ASTN1: variants seen among roughly 807,000 people sequenced by gnomAD.
ASTN1 encodes astrotactin 1, also known as astrotactin-1.
Under a neutral mutation model 140.7 loss-of-function variants are expected in ASTN1, and 41 were observed. The ratio of observed to expected loss-of-function variants is 0.29; its 90% CI spans 0.23 to 0.38. The LOEUF is 0.38. ASTN1 is among the 10% of genes least tolerant of loss of function. The probability of loss-of-function intolerance (pLI) is 1.00; values close to 1 mark genes in which losing one functional copy is unlikely to be tolerated. For synonymous variants in ASTN1, 640 were observed against 652.2 expected, an observed-to-expected ratio of 0.98 and a Z score of 0.29; for missense variants, 1,479 against 1,678.8, an observed-to-expected ratio of 0.88 and a Z score of 2.08.
Position 176,943,948 on chromosome 1 carries a change from C to T in ASTN1, c.2320G>A (p.Glu774Lys), listed in dbSNP as rs199599422. The T allele has an allele frequency of 6.2e-7, 1 of 1,614,062 alleles. No homozygotes were observed. The highest frequency in any genetic ancestry group is 8.5e-7 in the Non-Finnish European group (1 of 1,179,982). The change falls in exon 14 of 23, where the codon GAG becomes AAG. Residue 774 changes from glutamate (E) to lysine (K), a missense_variant. Coordinates refer to ENST00000361833, the MANE Select transcript of ASTN1 (RefSeq NM_004319.3). ...DGLVVATVPL[E>K]NQCLEEISEP... ...GAGATCTCCTCTAGGCATTGATTCT[C>T]CAGGGGCACAGTGGCCACCACAAGA...
intron 16 of ASTN1, among the ~76,000 whole-genome samples, chr1:176,914,947 C>A (rs1482406663): frequency 6.6e-6 from 1 of 152,162 alleles, no homozygotes; most frequent in Non-Finnish European, 1.5e-5. Context: ...GTTTGTAGAA[C>A]TTTTGTCTTT....
At chr1:177,087,206 A>G (rs184469537) in intron 1 of ASTN1, among the ~76,000 whole-genome samples, 5 of 152,332 alleles carry the variant, frequency 3.3e-5, no homozygotes, top group Admixed American at 6.5e-5. Flanking sequence ...CTGATCTGGT[A>G]CAATACCTCC....
chr1:177,070,584 T>C (rs199899996), intron 1 of ASTN1, among the ~76,000 whole-genome samples: 1 of 1,624 alleles, frequency 6.2e-4, no homozygotes, highest in Admixed American at 7.9e-3. Context: ...CAAGTAATAA[T>C]GTATGCACTG....
chr1:176,918,092 AC>A (rs2103069456), intron 16 of ASTN1, among the ~76,000 whole-genome samples: 1 of 150,884 alleles, frequency 6.6e-6, no homozygotes, highest in South Asian at 2.1e-4. Flanking sequence ...ACAGCTACTC[AC>A]TCCTTTTGTC....
intron 16 of ASTN1, among the ~76,000 whole-genome samples, chr1:176,932,889 T>C (rs989228812): frequency 1.2e-4 from 18 of 152,226 alleles, no homozygotes; most frequent in African/African-American, 3.4e-4. Context: ...GATTCAGCCC[T>C]CTGGTTCAGT....
intron 7 of ASTN1, 103 bp from the exon 8 acceptor site, chr1:177,014,978 T>C: frequency 9.8e-6 from 10 of 1,020,276 alleles, no homozygotes; most frequent in Non-Finnish European, 1.3e-5. Context: ...AAACTCTTAC[T>C]CTGATATTAG....
chr1:176,906,207 T>G (rs1669992304), intron 16 of ASTN1, among the ~76,000 whole-genome samples: 1 of 152,316 alleles, frequency 6.6e-6, no homozygotes, highest in Middle Eastern at 3.4e-3. Flanking sequence ...GAGTTTAGAA[T>G]GGATACAAGG....
chr1:177,010,971 C>T (rs753397781), intron 8 of ASTN1, among the ~76,000 whole-genome samples: 3 of 152,254 alleles, frequency 2.0e-5, no homozygotes, highest in Middle Eastern at 3.4e-3. Flanking sequence ...ACACCTGGAA[C>T]GTCTCCCTCC....
chr1:177,156,197 G>A (rs376085215), intron 1 of ASTN1, among the ~76,000 whole-genome samples: 45 of 151,718 alleles, frequency 3.0e-4, no homozygotes, highest in African/African-American at 9.5e-4. Context: ...TTAAACCCAG[G>A]AGGCAGAGGT....
chr1:176,993,335 T>C (rs1016528679), intron 8 of ASTN1, among the ~76,000 whole-genome samples: 1 of 152,178 alleles, frequency 6.6e-6, no homozygotes, highest in Non-Finnish European at 1.5e-5. Context: ...AGTTATACTG[T>C]CTTGAATTTT....
chr1:176,884,406 CT>C lies in ASTN1; in HGVS notation c.3158del (p.Gln1053ArgfsTer3). The C allele has an allele frequency of 6.2e-7, 1 of 1,614,226 alleles. No homozygotes were observed. Among genetic ancestry groups the C allele is most frequent in the Non-Finnish European group, 8.5e-7 (1 of 1,180,038 alleles). The part of the protein sequence containing the change: ...WEHSEPPIGV[Q>X]IVDYLLRQEK... ...CTTGACGGAGGAGGTAATCTACAATCTGCACCCCGATTGGTGGCTCTGAGTG... is the reference window on the plus strand; with the variant it reads ...CTTGACGGAGGAGGTAATCTACAATCGCACCCCGATTGGTGGCTCTGAGTG... On this transcript the variant is annotated frameshift_variant, in exon 19 of 23. Transcript: ENST00000361833. LOFTEE classifies it high-confidence loss of function.
chr1:177,058,606 G>T (rs1677924880), intron 2 of ASTN1, among the ~76,000 whole-genome samples: 1 of 151,894 alleles, frequency 6.6e-6, no homozygotes. Flanking sequence ...TATAATGTAG[G>T]GTTTTTCATA....
chr1:177,068,448 C>T lies in ASTN1; in HGVS notation c.284-7183G>A, dbSNP rs1571735913. 3.3e-5 allele frequency among the ~76,000 whole-genome samples: 5 copies of T among 152,192 alleles called. No homozygotes were observed. In the East Asian group the frequency reaches 9.7e-4, roughly 29 times the overall value. On this transcript the variant is annotated intron_variant, in intron 1 of 22. Transcript: ENST00000361833. ...AGAAGGATAATTGAATTTCTATTTC[C>T]CTGCTTGGTGACATTACCCTTAAAG...
rs1667960409 is a variant in ASTN1 at position 176,861,495 on chromosome 1, A to G, written c.*2789T>C. ...AGTACCATCACCCTTTCTAGCCAGG[A>G]TGGGTTCCTTCAGGTAAGCATTAGG... is the stretch of plus-strand genomic sequence containing the variant. On this transcript the variant is annotated 3_prime_UTR_variant, in exon 23 of 23. Transcript: ENST00000361833. The G allele has an allele frequency of 4.1e-6, 4 of 985,758 alleles. No individual in the cohort carries two copies. Among genetic ancestry groups the G allele is most frequent in the South Asian group, 4.7e-5 (1 of 21,292 alleles). 61.1% of individuals were successfully genotyped at this position (985,758 alleles called of 1,614,324 possible). A position where few individuals can be genotyped will look rare whatever the true frequency, so the allele number is the denominator to read the frequency against.
chr1:177,016,831 T>C (rs1160938567), intron 7 of ASTN1, among the ~76,000 whole-genome samples: 1 of 152,238 alleles, frequency 6.6e-6, no homozygotes, highest in Non-Finnish European at 1.5e-5. Flanking sequence ...AGCCAGTTAA[T>C]AGGTCAAGGT....
intron 8 of ASTN1, among the ~76,000 whole-genome samples, chr1:176,982,265 T>C (rs1673653024): frequency 6.6e-6 from 1 of 152,178 alleles, no homozygotes; most frequent in African/African-American, 2.4e-5. Flanking sequence ...TCCAAAGCCA[T>C]GGCCTTAGCA....
Position 177,149,172 on chromosome 1 carries a change from A to AT in ASTN1, c.283+15221_283+15222insA, listed in dbSNP as rs1336584785. Among the ~76,000 whole-genome samples the AT allele has an allele frequency of 1.1e-3, 102 of 94,078 alleles. 14 individuals carry two copies. Among genetic ancestry groups the AT allele is most frequent in the African/African-American group, 7.7e-3 (97 of 12,582 alleles). The allele number at this position is 94,078 out of a possible 152,430, so 61.7% of individuals were successfully genotyped here. ...GCATATATATAGTGTATATATAGTA[A>AT]ATATATAGTGTATATATATAGTAAA... On this transcript the variant is annotated intron_variant, in intron 1 of 22. Coordinates refer to ENST00000361833, the MANE Select transcript of ASTN1 (RefSeq NM_004319.3).
At chr1:176,872,814 G>A (rs1483984324) in intron 21 of ASTN1, among the ~76,000 whole-genome samples, 1 of 152,060 alleles carries the variant, frequency 6.6e-6, no homozygotes, top group Non-Finnish European at 1.5e-5. Flanking sequence ...ATTTCTGCAC[G>A]ACTTTCTCCC....
chr1:177,158,860 C>A (rs1298895610), intron 1 of ASTN1, among the ~76,000 whole-genome samples: 2 of 150,566 alleles, frequency 1.3e-5, no homozygotes, highest in African/African-American at 2.4e-5. Flanking sequence ...AAGTTCGAGT[C>A]CAGCCTGGCC....
Sources: gnomAD v4.1 joint callset for allele counts (sites outside exome capture counted in the v4.1 genomes callset) on GRCh38, gnomAD v4.1.1 for gene constraint, MANE v1.5 for transcripts, NCBI Gene and HGNC (gene_info 2026-07-23, HGNC 2026-07-21) for gene names.